Variants in SLC15A2 observed in about 807,000 individuals in gnomAD.
The protein encoded by SLC15A2 is solute carrier family 15 member 2, also known as kidney H(+)/peptide cotransporter.
In SLC15A2, 77 loss-of-function variants were observed where a neutral mutation model predicts 95.5. The observed-to-expected ratio is 0.81, with a 90% CI of 0.67 to 0.97. The LOEUF (loss-of-function observed/expected upper bound fraction) is 0.97. Among genes scored for constraint, SLC15A2 ranks in the 50% least tolerant of loss-of-function variants. The pLI is 0.00. For synonymous variants in SLC15A2, 306 were observed against 306.9 expected, an observed-to-expected ratio of 1.00 and a Z score of 0.03; for missense variants, 893 against 874.4, an observed-to-expected ratio of 1.02 and a Z score of -0.27.
chr3:121,916,136 A>C (rs1239671578), intron 7 of SLC15A2, among the ~76,000 whole-genome samples: 2 of 152,226 alleles, frequency 1.3e-5, no homozygotes, highest in Non-Finnish European at 2.9e-5. Flanking sequence ...CAAGCCTTTT[A>C]AAACAGCTTC....
Position 121,941,083 on chromosome 3 carries a change from C to T in SLC15A2, c.*76C>T, listed in dbSNP as rs79639971. 7.6e-4 allele frequency: 1,013 copies of T among 1,336,270 alleles called. 11 individuals are homozygous for T. The East Asian group carries it at 0.023, about 30-fold the overall frequency. 82.8% of individuals were successfully genotyped at this position (1,336,270 alleles called of 1,614,324 possible). A position where few individuals can be genotyped will look rare whatever the true frequency, so the allele number is the denominator to read the frequency against. On this transcript the variant is annotated 3_prime_UTR_variant, in exon 22 of 22. Coordinates refer to ENST00000489711, the MANE Select transcript of SLC15A2 (RefSeq NM_021082.4). The stretch of plus-strand genomic sequence containing the variant: ...ATTTTTTTTCTTCTACTGGATTAGA[C>T]AAGAGAGATAGCAGCATATCAGAGC...
intron 19 of SLC15A2, among the ~76,000 whole-genome samples, chr3:121,938,359 C>T (rs999962254): frequency 3.9e-5 from 6 of 152,250 alleles, no homozygotes; most frequent in African/African-American, 1.2e-4. Context: ...CGCCCCTCCC[C>T]CAGCCTCGCT....
chr3:121,930,157 C>T (rs565866998), intron 17 of SLC15A2, among the ~76,000 whole-genome samples: 8 of 152,318 alleles, frequency 5.3e-5, no homozygotes, highest in African/African-American at 1.9e-4. Context: ...AATCAACATT[C>T]AGGACTCTAA....
chr3:121,935,390 G>T (rs1304704521), intron 19 of SLC15A2, among the ~76,000 whole-genome samples: 1 of 152,122 alleles, frequency 6.6e-6, no homozygotes, highest in East Asian at 1.9e-4. Context: ...AATCCATCTG[G>T]TCCTGGACTC....
chr3:121,900,553 A>T (rs1420977801), intron 3 of SLC15A2, among the ~76,000 whole-genome samples: 3 of 152,108 alleles, frequency 2.0e-5, no homozygotes, highest in Non-Finnish European at 4.4e-5. Context: ...ACTCCAACTG[A>T]CTTTTCTGTG....
chr3:121,894,605 C>T (rs1709384703), intron 1 of SLC15A2, 24 bp downstream of exon 1: 1 of 1,574,108 alleles, frequency 6.4e-7, no homozygotes, highest in African/African-American at 1.4e-5. Flanking sequence ...TTCAATCCTG[C>T]CTCTGAGAGG....
Position 121,936,832 on chromosome 3 carries a change from G to A in SLC15A2, c.1762-2517G>A, listed in dbSNP as rs369653306. Among the ~76,000 whole-genome samples the A allele has an allele frequency of 2.6e-3, 364 of 138,990 alleles. 11 individuals are homozygous for A. The highest frequency in any genetic ancestry group is 0.024 in the East Asian group (114 of 4,722). The allele number at this position is 138,990 out of a possible 152,430, so 91.2% of individuals were successfully genotyped here. On this transcript the variant is annotated intron_variant, in intron 19 of 21. Coordinates refer to ENST00000489711, the MANE Select transcript of SLC15A2 (RefSeq NM_021082.4). The stretch of plus-strand genomic sequence containing the variant: ...ATGATGTTAGCTGGTTATTTTGCTC[G>A]TTAGTTGATGCAGTTTCTTCCTAGT...
chr3:121,936,113 A>C (rs1351834508), intron 19 of SLC15A2, among the ~76,000 whole-genome samples: 2 of 152,164 alleles, frequency 1.3e-5, no homozygotes, highest in East Asian at 1.9e-4. Context: ...AGTTGGATTG[A>C]ACTGTGGTCT....
rs770967708 is a variant in SLC15A2 at position 121,912,984 on chromosome 3, T to C, written c.429-37T>C. ...AGTCCATCTCTACAGGTGCATTTAG[T>C]ATCAACATGGTTGGCATTCTCACCT... On this transcript the variant is annotated intron_variant, in intron 4 of 21. Coordinates refer to ENST00000489711, the MANE Select transcript of SLC15A2 (RefSeq NM_021082.4). The C allele has an allele frequency of 8.9e-6, 13 of 1,453,884 alleles. No individual in the cohort carries two copies. In the East Asian group the frequency reaches 2.7e-4, roughly 31 times the overall value. 90.1% of individuals were successfully genotyped at this position (1,453,884 alleles called of 1,614,324 possible).
At chr3:121,931,425 T>C (rs1710230607) in intron 18 of SLC15A2, among the ~76,000 whole-genome samples, 2 of 152,244 alleles carry the variant, frequency 1.3e-5, no homozygotes, top group Admixed American at 6.5e-5. Context: ...TTGAATATTT[T>C]AGAAAATACC....
intron 2 of SLC15A2, among the ~76,000 whole-genome samples, chr3:121,896,954 C>T (rs1174544628): frequency 2.7e-5 from 4 of 146,564 alleles, no homozygotes; most frequent in African/African-American, 1.0e-4. Flanking sequence ...ATCTCAGTTA[C>T]ATTTTTCATA....
At chr3:121,919,458 G>A (rs936587014) in intron 7 of SLC15A2, among the ~76,000 whole-genome samples, 2 of 152,200 alleles carry the variant, frequency 1.3e-5, no homozygotes, top group African/African-American at 4.8e-5. Context: ...GTGAGGCTTA[G>A]TGTGGGTTTT....
At position 121,939,562 on chromosome 3, in the gene SLC15A2, G is replaced by A. The variant is rs578113478; in HGVS notation, c.1908+67G>A. On this transcript the variant is annotated intron_variant, in intron 20 of 21. Coordinates refer to ENST00000489711, the MANE Select transcript of SLC15A2 (RefSeq NM_021082.4). ...TGAAGGACAATGAATTTTAATTCTA[G>A]CACTGACTTAAATAGGTATGTTATC... 5 of 1,355,430 alleles carry A rather than the reference G, an allele frequency of 3.7e-6. No individual in the cohort carries two copies. In the East Asian group the frequency reaches 1.0e-4, roughly 28 times the overall value. 84.0% of individuals were successfully genotyped at this position (1,355,430 alleles called of 1,614,324 possible).
rs1354775832 is a variant in SLC15A2, at chr3:121,930,976, T to C, written c.1664+26T>C. On this transcript the variant is annotated intron_variant, in intron 18 of 21. Transcript: ENST00000489711. Reference sequence around the variant, plus strand: ...GTAAGTGCATTGCCCCTGTGGACATTTTACTTTTGTCAATAATTGTTTTTT... The same window carrying C: ...GTAAGTGCATTGCCCCTGTGGACATCTTACTTTTGTCAATAATTGTTTTTT... 3 of 1,442,258 alleles carry C rather than the reference T, an allele frequency of 2.1e-6. No individual in the cohort carries two copies. In the South Asian group the frequency reaches 3.5e-5, roughly 17 times the overall value. 89.3% of individuals were successfully genotyped at this position (1,442,258 alleles called of 1,614,324 possible). A position where few individuals can be genotyped will look rare whatever the true frequency, so the allele number is the denominator to read the frequency against.
intron 3 of SLC15A2, among the ~76,000 whole-genome samples, chr3:121,899,579 T>G (rs1159595184): frequency 6.6e-6 from 1 of 152,170 alleles, no homozygotes; most frequent in Non-Finnish European, 1.5e-5. Flanking sequence ...CCTTTCTCAC[T>G]CTTCATTATC....
intron 7 of SLC15A2, among the ~76,000 whole-genome samples, chr3:121,917,053 C>A (rs1490652331): frequency 6.6e-6 from 1 of 152,136 alleles, no homozygotes; most frequent in African/African-American, 2.4e-5. Flanking sequence ...ATCTCCTGAC[C>A]TTGTGATCTG....
rs1234003975 is a variant in SLC15A2 at position 121,942,134 on chromosome 3, G to T, written c.*1127G>T. 6.6e-6 allele frequency: 1 copy of T among 152,158 alleles called. No homozygotes were observed. The highest frequency in any genetic ancestry group is 1.5e-5 in the Non-Finnish European group (1 of 68,026). 9.4% of individuals were successfully genotyped at this position (152,158 alleles called of 1,614,324 possible). A position where few individuals can be genotyped will look rare whatever the true frequency, so the allele number is the denominator to read the frequency against. ...GTTACATTAATGCTCTAGGTTTGAG[G>T]TTCTAAAATGGAAATGTCAATAGAG... On this transcript the variant is annotated 3_prime_UTR_variant, in exon 22 of 22. Transcript: ENST00000489711.
intron 7 of SLC15A2, among the ~76,000 whole-genome samples, chr3:121,920,453 C>T (rs1434608402): frequency 1.3e-5 from 2 of 152,076 alleles, no homozygotes; most frequent in African/African-American, 2.4e-5. Flanking sequence ...CACCACCACG[C>T]CCAGCTAATT....
At chr3:121,919,144 C>T (rs1709955213) in intron 7 of SLC15A2, among the ~76,000 whole-genome samples, 1 of 152,208 alleles carries the variant, frequency 6.6e-6, no homozygotes, top group Admixed American at 6.5e-5. Flanking sequence ...AGAAATGTTA[C>T]AGCTGTTCAC....
Sources: allele counts gnomAD v4.1 joint callset (sites outside exome capture counted in the v4.1 genomes callset), GRCh38; gene constraint gnomAD v4.1.1; transcripts MANE v1.5; gene names NCBI Gene and HGNC (gene_info 2026-07-23, HGNC 2026-07-21).